GALP: variants seen among roughly 807,000 people sequenced by gnomAD.
The protein encoded by GALP is galanin-like peptide.
In GALP, 12 loss-of-function variants were observed where a neutral mutation model predicts 15.2. The ratio of observed to expected loss-of-function variants is 0.79; its 90% CI spans 0.51 to 1.28. GALP has a LOEUF of 1.28. Ranked by LOEUF, GALP falls within the 50% of genes most tolerant of loss-of-function variation. The pLI is 0.00. For missense variants in GALP, 161 were observed against 145.6 expected (o/e 1.11, Z -0.55); for synonymous variants, 58 against 55.1 (o/e 1.05, Z -0.23).
chr19:56,178,524 A>C lies in GALP; in HGVS notation c.87+1329A>C, dbSNP rs76783891. 6.4e-3 allele frequency among the ~76,000 whole-genome samples: 867 copies of C among 136,412 alleles called. 5 individuals carry two copies. Among genetic ancestry groups the C allele is most frequent in the Non-Finnish European group, 8.8e-3 (573 of 65,220 alleles). 89.5% of individuals were successfully genotyped at this position (136,412 alleles called of 152,430 possible). On this transcript the variant is annotated intron_variant, in intron 2 of 5. Transcript: ENST00000357330. Reference sequence around the variant, plus strand: ...AAAGAAATGCTAACAACAACAACAAAAAAAAAAAAAAAAAAAAAGAGACGC... The same window carrying C: ...AAAGAAATGCTAACAACAACAACAACAAAAAAAAAAAAAAAAAAGAGACGC...
In GALP at chr19:56,183,175, G is replaced by T; in HGVS notation, c.258G>T (p.Arg86Ser). ...CCCACCCTCCACAGCCCTCCAAGAGGAATGTGATGGAGACGTTTGCCAAAC... is the reference window on the plus strand; with the variant it reads ...CCCACCCTCCACAGCCCTCCAAGAGTAATGTGATGGAGACGTTTGCCAAAC... ...PYSHPPQPSKRNVMETFAKPE... is the reference protein window; with the variant it reads ...PYSHPPQPSKSNVMETFAKPE... Residue 86 changes from arginine to serine, a missense_variant, in exon 5 of 6, where the codon AGG (arginine) becomes AGT (serine). Transcript: ENST00000357330. 1 of 1,613,964 alleles carries T rather than the reference G, an allele frequency of 6.2e-7. No individual in the cohort carries two copies. The highest frequency in any genetic ancestry group is 8.5e-7 in the Non-Finnish European group (1 of 1,179,890).
intron 5 of GALP, among the ~76,000 whole-genome samples, chr19:56,184,419 T>A (rs115116501): frequency 0.011 from 1,660 of 151,848 alleles, 26 homozygotes; most frequent in African/African-American, 0.037. Flanking sequence ...TGTCCCACCT[T>A]CCTTTAGTTG....
chr19:56,181,862 G>A (rs1031510725), intron 3 of GALP, among the ~76,000 whole-genome samples: 3 of 152,152 alleles, frequency 2.0e-5, no homozygotes, highest in African/African-American at 7.2e-5. Context: ...TTCAGTTTGA[G>A]CTTCATTCAG....
rs1293844264 is a variant in GALP, at chr19:56,177,148, C to T, written c.40C>T (p.Leu14Phe). The T allele has an allele frequency of 1.2e-6, 2 of 1,613,760 alleles. No homozygotes were observed. The highest frequency in any genetic ancestry group is 1.1e-5 in the South Asian group (1 of 91,046). Reference protein sequence around the residue: ...PSVPLVLLLVLLLSLAETPAS... With the variant: ...PSVPLVLLLVFLLSLAETPAS... ...CGTCCCCCTGGTCCTCCTCCTCGTC[C>T]TCTTGCTGAGCCTGGCAGAGACTCC... The change falls in exon 2 of 6, where the codon CTC becomes TTC. Residue 14 changes from leucine to phenylalanine, a missense_variant. Leu to Phe is a conservative substitution (Grantham distance 22). Transcript: ENST00000357330.
intron 2 of GALP, among the ~76,000 whole-genome samples, chr19:56,180,158 CT>C (rs2032538363): frequency 6.6e-6 from 1 of 152,226 alleles, no homozygotes; most frequent in Non-Finnish European, 1.5e-5. Context: ...AGCCATCCTT[CT>C]GCTTCGGCCT....
chr19:56,184,112 C>T (rs1401381401), intron 5 of GALP, among the ~76,000 whole-genome samples: 7 of 150,304 alleles, frequency 4.7e-5, no homozygotes, highest in African/African-American at 9.8e-5. Context: ...CCCGCCACCA[C>T]ATCCGGCTAA....
At chr19:56,182,047 C>A in intron 3 of GALP, 125 bp from the exon 4 acceptor site, 2 of 718,814 alleles carry the variant, frequency 2.8e-6, no homozygotes, top group Non-Finnish European at 5.0e-6. Flanking sequence ...TCAACACGCA[C>A]CCCGTCCGAC....
At chr19:56,183,091 T>TG in intron 4 of GALP, 44 bp from the exon 5 acceptor site, 1 of 1,389,204 alleles carries the variant, frequency 7.2e-7, no homozygotes. Flanking sequence ...AGCTCCCACT[T>TG]GTAACTACGA....
intron 5 of GALP, 35 bp downstream of exon 5, chr19:56,183,247 A>C: frequency 1.3e-6 from 2 of 1,517,310 alleles, no homozygotes; most frequent in Admixed American, 3.3e-5. Flanking sequence ...AGACACCGAC[A>C]GGAGAGGGGG....
chr19:56,185,321 C>G lies in GALP; in HGVS notation c.*51C>G, dbSNP rs538524358. The G allele has an allele frequency of 2.6e-5, 30 of 1,145,576 alleles. No homozygotes were observed. The African/African-American group carries it at 4.5e-4, about 17-fold the overall frequency. 71.0% of individuals were successfully genotyped at this position (1,145,576 alleles called of 1,614,324 possible). A position where few individuals can be genotyped will look rare whatever the true frequency, so the allele number is the denominator to read the frequency against. ...CTTCTTCTCCAGCTCCTCCTGCTCCCTCTGAAACCTTTTCTAGGTACCCTA... is the reference window on the plus strand; with the variant it reads ...CTTCTTCTCCAGCTCCTCCTGCTCCGTCTGAAACCTTTTCTAGGTACCCTA... On this transcript the variant is annotated 3_prime_UTR_variant, in exon 6 of 6. Coordinates refer to ENST00000357330, the MANE Select transcript of GALP (RefSeq NM_033106.4).
In GALP at chr19:56,185,239, T is replaced by C. The variant is rs1481650931; in HGVS notation, c.320T>C (p.Ile107Thr). Residue 107 changes from isoleucine to threonine, a missense_variant, in exon 6 of 6, where the codon ATT becomes ACT. Transcript: ENST00000357330. ...IGDLGMLSMK[I>T]PKEEDVLKS ...GATCTGGGCATGCTCAGCATGAAAA[T>C]TCCCAAGGAGGAAGATGTCCTGAAG... 1.2e-6 allele frequency: 2 copies of C among 1,609,472 alleles called. No homozygotes were observed. Among genetic ancestry groups the C allele is most frequent in the Non-Finnish European group, 1.7e-6 (2 of 1,176,672 alleles).
At chr19:56,181,643 G>A (rs1207726409) in intron 3 of GALP, among the ~76,000 whole-genome samples, 1 of 151,904 alleles carries the variant, frequency 6.6e-6, no homozygotes, top group African/African-American at 2.4e-5. Context: ...CCCAACCTCA[G>A]GTGATCCGCC....
At chr19:56,178,441 C>T (rs557346645) in intron 2 of GALP, among the ~76,000 whole-genome samples, 19 of 146,916 alleles carry the variant, frequency 1.3e-4, no homozygotes, top group African/African-American at 3.0e-4. Context: ...CCAGCCTGGG[C>T]GAAAGAGCAA....
intron 1 of GALP, among the ~76,000 whole-genome samples, chr19:56,176,434 G>A (rs1310878215): frequency 2.1e-5 from 2 of 94,672 alleles, no homozygotes; most frequent in Admixed American, 1.3e-4. Flanking sequence ...GGCCAGGAGG[G>A]CAGAGGGGCG....
Position 56,177,125 on chromosome 19 carries a change from TC to T in GALP, c.22del (p.Leu8TrpfsTer9). The T allele has an allele frequency of 6.2e-7, 1 of 1,612,554 alleles. No individual in the cohort carries two copies. Among genetic ancestry groups the T allele is most frequent in the Non-Finnish European group, 8.5e-7 (1 of 1,179,286 alleles). On this transcript the variant is annotated frameshift_variant, in exon 2 of 6. Coordinates refer to ENST00000357330, the MANE Select transcript of GALP (RefSeq NM_033106.4). LOFTEE classifies it high-confidence loss of function. ...CTGCCTTCGATGGCTCCTCCCTCCG[TC>T]CCCCTGGTCCTCCTCCTCGTCCTCT... Reference protein sequence around the residue: MAPPSVPLVLLLVLLL... With the variant: MAPPSXPLVLLLVLLL...
At chr19:56,184,544 C>T (rs28588239) in intron 5 of GALP, among the ~76,000 whole-genome samples, 8,955 of 135,968 alleles carry the variant, frequency 0.066, 500 homozygotes, top group East Asian at 0.3. Flanking sequence ...AGTGCAGTGG[C>T]GCGATCTCGG....
At position 56,176,703 on chromosome 19, in the gene GALP, G is replaced by C. The variant is rs562617954; in HGVS notation, c.-39-367G>C. On this transcript the variant is annotated intron_variant, in intron 1 of 5. Transcript: ENST00000357330. ...AGGAGGGCAGAGGGGTGGAGGGAGT[G>C]AGGGGCTCCTGGGAGAGTGATGGGG... 8.9e-5 allele frequency among the ~76,000 whole-genome samples: 12 copies of C among 134,462 alleles called. No individual in the cohort carries two copies. In the South Asian group the frequency reaches 1.9e-3, roughly 21 times the overall value. 88.2% of individuals were successfully genotyped at this position (134,462 alleles called of 152,430 possible).
At position 56,180,600 on chromosome 19, in the gene GALP, G is replaced by A. The variant is rs144813750; in HGVS notation, c.102G>A (p.Trp34Ter). ...TCTCTATCCAGGGACGAGGAGGCTG[G>A]ACCCTCAATAGTGCTGGCTACCTTC... The part of the protein sequence containing the change: ...SAPAHRGRGG[W>*]TLNSAGYLLG... Residue 34 changes from tryptophan (W) to a stop codon, truncating the protein, a stop_gained, in exon 3 of 6, where the codon TGG becomes TGA. Transcript: ENST00000357330. LOFTEE classifies it high-confidence loss of function. 2 of 1,614,014 alleles carry A rather than the reference G, an allele frequency of 1.2e-6. No individual in the cohort carries two copies. Among genetic ancestry groups the A allele is most frequent in the Admixed American group, 3.3e-5 (2 of 60,012 alleles).
At chr19:56,182,364 T>G (rs2032582001) in intron 4 of GALP, 112 bp downstream of exon 4, 6 of 734,286 alleles carry the variant, frequency 8.2e-6, no homozygotes, top group Non-Finnish European at 1.1e-5. Flanking sequence ...CGCTTACTAT[T>G]TGGGGGGCCC....
Sources: allele counts gnomAD v4.1 joint callset (sites outside exome capture counted in the v4.1 genomes callset), GRCh38; gene constraint gnomAD v4.1.1; transcripts MANE v1.5; gene names NCBI Gene and HGNC (gene_info 2026-07-23, HGNC 2026-07-21).